Variants in CA10 observed in about 807,000 individuals in gnomAD.
CA10 encodes the protein carbonic anhydrase 10 (inactive).
Under a neutral mutation model 44.2 loss-of-function variants are expected in CA10, and 14 were observed. The observed-to-expected ratio is 0.32, with a 90% confidence interval of 0.21 to 0.50. The LOEUF is 0.50. Ranked by LOEUF, CA10 falls within the 20% of genes least tolerant of loss-of-function variation. CA10 has a pLI of 0.99. For synonymous variants in CA10, 159 were observed against 141.6 expected (o/e 1.12, Z -0.87); for missense variants, 350 against 409.7 (o/e 0.85, Z 1.26).
chr17:51,671,392 G>A (rs373221577), intron 4 of CA10, among the ~76,000 whole-genome samples: 1 of 129,290 alleles, frequency 7.7e-6, no homozygotes, highest in South Asian at 2.8e-4. Context: ...CACACATTTG[G>A]GTCATTTTTT....
chr17:51,651,073 G>GTAAC (rs1448787790), intron 5 of CA10, among the ~76,000 whole-genome samples: 1 of 152,188 alleles, frequency 6.6e-6, no homozygotes, highest in Non-Finnish European at 1.5e-5. Context: ...CTTTTAGAGA[G>GTAAC]TAACTCCAGC....
At chr17:51,801,181 T>C (rs1044381372) in intron 3 of CA10, among the ~76,000 whole-genome samples, 1 of 152,122 alleles carries the variant, frequency 6.6e-6, no homozygotes, top group Non-Finnish European at 1.5e-5. Flanking sequence ...AGACATCTGG[T>C]CCCCAGTGGC....
At chr17:51,828,493 T>A (rs1567853398) in intron 3 of CA10, among the ~76,000 whole-genome samples, 1 of 152,190 alleles carries the variant, frequency 6.6e-6, no homozygotes, top group Non-Finnish European at 1.5e-5. Context: ...CTACTCTTAA[T>A]GTTTTATGTG....
chr17:52,087,989 A>T (rs1988163528), intron 1 of CA10, among the ~76,000 whole-genome samples: 1 of 152,190 alleles, frequency 6.6e-6, no homozygotes, highest in Non-Finnish European at 1.5e-5. Flanking sequence ...CCAGAACACC[A>T]AATACCACAT....
intron 3 of CA10, among the ~76,000 whole-genome samples, chr17:51,756,614 C>T (rs1905088714): frequency 6.6e-6 from 1 of 151,608 alleles, no homozygotes; most frequent in Non-Finnish European, 1.5e-5. Context: ...GGACTACAGG[C>T]GCCCGCCACC....
intron 1 of CA10, among the ~76,000 whole-genome samples, chr17:52,119,355 G>A (rs1204452577): frequency 1.3e-5 from 2 of 152,170 alleles, no homozygotes; most frequent in Non-Finnish European, 2.9e-5. Flanking sequence ...TTGACTGGAA[G>A]GGTATGCATC....
intron 2 of CA10, among the ~76,000 whole-genome samples, chr17:52,002,679 C>T (rs1038256906): frequency 1.3e-5 from 2 of 151,778 alleles, no homozygotes; most frequent in Admixed American, 6.6e-5. Flanking sequence ...TCAAGTTCTC[C>T]ATTTCAGAAA....
intron 4 of CA10, among the ~76,000 whole-genome samples, chr17:51,668,090 C>T: frequency 6.6e-6 from 1 of 152,202 alleles, no homozygotes; most frequent in East Asian, 1.9e-4. Flanking sequence ...CCCTCTGGGG[C>T]CTCTGTCTTT....
At chr17:51,831,734 A>AGCAGCAGC (rs1555604086) in intron 3 of CA10, among the ~76,000 whole-genome samples, 1 of 145,910 alleles carries the variant, frequency 6.9e-6, no homozygotes. Context: ...CAGCAGCAGA[A>AGCAGCAGC]AAAGACCTTC....
intron 3 of CA10, among the ~76,000 whole-genome samples, chr17:51,779,609 A>AC (rs1905965644): frequency 6.6e-6 from 1 of 152,220 alleles, no homozygotes; most frequent in Admixed American, 6.5e-5. Flanking sequence ...CCAAACAGTG[A>AC]CCCCAAACCT....
chr17:51,638,490 T>C (rs902062809), intron 6 of CA10, among the ~76,000 whole-genome samples: 6 of 152,226 alleles, frequency 3.9e-5, no homozygotes, highest in Non-Finnish European at 8.8e-5. Flanking sequence ...CACTATGGCC[T>C]GTTTGGGCAG....
chr17:52,001,049 CTCTTT>C (rs1985406674), intron 2 of CA10, among the ~76,000 whole-genome samples: 1 of 151,026 alleles, frequency 6.6e-6, no homozygotes, highest in African/African-American at 2.4e-5. Context: ...GTACTGAGCA[CTCTTT>C]TTGTTGTTAA....
chr17:51,701,486 TTA>T (rs112697503), intron 4 of CA10, among the ~76,000 whole-genome samples: 9,906 of 151,924 alleles, frequency 0.065, 1,105 homozygotes, highest in African/African-American at 0.23. Context: ...ATTTATTTAT[TTA>T]TTTTTTTTAT....
chr17:51,674,104 C>A (rs1914530253), intron 4 of CA10, among the ~76,000 whole-genome samples: 1 of 152,234 alleles, frequency 6.6e-6, no homozygotes, highest in Non-Finnish European at 1.5e-5. Flanking sequence ...AAGGCCTCTA[C>A]TGCTTCATAT....
At chr17:51,671,292 CT>C in intron 4 of CA10, among the ~76,000 whole-genome samples, 1 of 152,178 alleles carries the variant, frequency 6.6e-6, no homozygotes, top group East Asian at 1.9e-4. Flanking sequence ...CCAATCCTGA[CT>C]TTTCCAGCCT....
intron 3 of CA10, among the ~76,000 whole-genome samples, chr17:51,793,961 C>T (rs1906615421): frequency 2.0e-5 from 3 of 152,184 alleles, no homozygotes; most frequent in South Asian, 4.1e-4. Flanking sequence ...TCTCTTTGTA[C>T]ACAACACATC....
chr17:52,081,441 G>A (rs984843023), intron 1 of CA10, among the ~76,000 whole-genome samples: 43 of 152,098 alleles, frequency 2.8e-4, no homozygotes, highest in African/African-American at 9.7e-4. Flanking sequence ...TGTAAGTAGC[G>A]GCCCAAGAGA....
At chr17:52,050,539 T>C (rs1987035105) in intron 2 of CA10, among the ~76,000 whole-genome samples, 1 of 152,076 alleles carries the variant, frequency 6.6e-6, no homozygotes, top group African/African-American at 2.4e-5. Context: ...GAATAAAGAA[T>C]TAAACCTCAA....
intron 1 of CA10, among the ~76,000 whole-genome samples, chr17:52,133,279 C>T (rs966700350): frequency 2.6e-5 from 4 of 152,180 alleles, no homozygotes; most frequent in South Asian, 4.1e-4. Flanking sequence ...GTGGGGCATC[C>T]GTCCTCTGGG....
Sources: allele counts gnomAD v4.1 joint callset (sites outside exome capture counted in the v4.1 genomes callset), GRCh38; gene constraint gnomAD v4.1.1; transcripts MANE v1.5; gene names NCBI Gene and HGNC (gene_info 2026-07-23, HGNC 2026-07-21).